Variants in EPG5 observed in about 807,000 individuals in gnomAD.
The protein encoded by EPG5 is ectopic P-granules 5 autophagy tethering factor.
A neutral mutation model predicts 302.7 loss-of-function variants in EPG5; 159 were observed. That is an observed-to-expected ratio of 0.53 (90% CI 0.46 to 0.60). The LOEUF (loss-of-function observed/expected upper bound fraction) is 0.60, where lower values mean the gene tolerates loss of function less well. Among genes scored for constraint, EPG5 ranks in the 20% least tolerant of loss-of-function variants. The probability of loss-of-function intolerance (pLI) is 0.00; values close to 1 mark genes in which losing one functional copy is unlikely to be tolerated. For missense variants in EPG5, 2,896 were observed against 3,092.4 expected (o/e 0.94, Z 1.51); for synonymous variants, 1,158 against 1,136.8 (o/e 1.02, Z -0.37).
Position 45,922,414 on chromosome 18 carries a change from G to A in EPG5, c.3025C>T (p.Leu1009Phe). 6.2e-7 allele frequency: 1 copy of A among 1,614,240 alleles called. No homozygotes were observed. The highest frequency in any genetic ancestry group is 1.1e-5 in the South Asian group (1 of 91,086). ...ATGCCCGCTTTCACAGCCTTCAAGA[G>A]AGGATGAAACGTGGGTGACTCTGTC... ...DMTESPTFHPLLKAVKAGMPI... is the reference protein window; with the variant it reads ...DMTESPTFHPFLKAVKAGMPI... Residue 1009 changes from leucine (L) to phenylalanine (F), a missense_variant, in exon 16 of 44, where the codon CTC becomes TTC. This residue lies in a region of EPG5 where 1,390 missense variants were observed against 1,430.0 expected (regional missense o/e 0.97). Coordinates refer to ENST00000282041, the MANE Select transcript of EPG5 (RefSeq NM_020964.3).
At chr18:45,801,958 G>A in the EPG5 span, among the ~76,000 whole-genome samples, 20 of 152,238 alleles carry the variant, frequency 1.3e-4, no homozygotes, top group African/African-American at 4.6e-4. Context: ...AGGGCTCTCT[G>A]GGTCCTGCCT....
the EPG5 span, among the ~76,000 whole-genome samples, chr18:45,823,810 G>A: frequency 3.3e-5 from 5 of 152,116 alleles, no homozygotes; most frequent in Admixed American, 1.3e-4. Flanking sequence ...CAGCACGTGC[G>A]AGGAAGGAGG....
intron 1 of EPG5, 112 bp downstream of exon 1, chr18:45,967,065 A>C: frequency 9.9e-7 from 1 of 1,011,608 alleles, no homozygotes; most frequent in South Asian, 1.7e-5. Flanking sequence ...GTGGAGGCGG[A>C]AGATGCAGAG....
chr18:45,949,731 C>T (rs543550584), intron 4 of EPG5, 140 bp from the exon 5 acceptor site: 101 of 528,022 alleles, frequency 1.9e-4, no homozygotes, highest in Admixed American at 1.5e-3. Context: ...ATACTATTCA[C>T]TGATGAGTTT....
At chr18:45,834,556 T>C in the EPG5 span, among the ~76,000 whole-genome samples, 1 of 152,210 alleles carries the variant, frequency 6.6e-6, no homozygotes, top group Non-Finnish European at 1.5e-5. Flanking sequence ...CCAGAAGCCA[T>C]ATTCAGACAG....
chr18:45,839,193 T>C, the EPG5 span: 3 of 1,320,532 alleles, frequency 2.3e-6, no homozygotes, highest in Non-Finnish European at 2.9e-6. Flanking sequence ...ACTGCCAGAA[T>C]GTCGGTTTTT....
At chr18:45,877,397 C>G (rs975782870) in intron 34 of EPG5, among the ~76,000 whole-genome samples, 1 of 152,072 alleles carries the variant, frequency 6.6e-6, no homozygotes, top group Non-Finnish European at 1.5e-5. Context: ...CCAGCCTGAG[C>G]AACAGAGTGA....
chr18:45,853,134 G>C (rs1478622177), intron 43 of EPG5, among the ~76,000 whole-genome samples: 1 of 152,212 alleles, frequency 6.6e-6, no homozygotes, highest in Non-Finnish European at 1.5e-5. Context: ...CTGCTGTTGG[G>C]TATGTTCCTA....
chr18:45,864,039 A>G (rs573672105), intron 39 of EPG5, among the ~76,000 whole-genome samples: 30 of 152,190 alleles, frequency 2.0e-4, no homozygotes, highest in African/African-American at 7.0e-4. Flanking sequence ...CTGGAATTCT[A>G]CTTGGATAAT....
chr18:45,859,318 C>T (rs192356523), intron 40 of EPG5, among the ~76,000 whole-genome samples: 298 of 152,268 alleles, frequency 2.0e-3, no homozygotes, highest in African/African-American at 6.8e-3. Flanking sequence ...TAATGGTTCT[C>T]CACTCTTTGG....
intron 5 of EPG5, 104 bp from the exon 6 acceptor site, chr18:45,948,680 A>T: frequency 2.4e-6 from 2 of 844,348 alleles, no homozygotes; most frequent in Non-Finnish European, 3.9e-6. Context: ...TAAGAGAACA[A>T]AGCTGAAACT....
chr18:45,957,546 G>A (rs2051058735), intron 1 of EPG5, among the ~76,000 whole-genome samples: 1 of 152,190 alleles, frequency 6.6e-6, no homozygotes, highest in Non-Finnish European at 1.5e-5. Flanking sequence ...AGGGAAAATG[G>A]TTACTACGGC....
intron 25 of EPG5, among the ~76,000 whole-genome samples, chr18:45,903,218 A>G: frequency 6.6e-6 from 1 of 152,142 alleles, no homozygotes; most frequent in East Asian, 1.9e-4. Flanking sequence ...TATATCATTT[A>G]ATATTTAAAA....
Position 45,922,377 on chromosome 18 carries a change from C to T in EPG5, c.3062G>A (p.Cys1021Tyr), listed in dbSNP as rs2050175508. 2 of 1,614,212 alleles carry T rather than the reference C, an allele frequency of 1.2e-6. No individual in the cohort carries two copies. Among genetic ancestry groups the T allele is most frequent in the East Asian group, 4.5e-5 (2 of 44,874 alleles). Residue 1021 changes from cysteine to tyrosine, a missense_variant, in exon 16 of 44, where the codon TGT (cysteine) becomes TAT (tyrosine). Around this residue, in one of 5 missense-constraint regions of EPG5, gnomAD observed 1,390 missense variants for 1,430.0 expected, o/e 0.97. Coordinates refer to ENST00000282041, the MANE Select transcript of EPG5 (RefSeq NM_020964.3). ...AGCTGTCATAGATAAGGCTAGATAA[C>T]AGCCAATGGGCATGCCCGCTTTCAC... ...KAVKAGMPIG[C>Y]YLALSMTAVG...
chr18:45,852,280 AAC>A lies in EPG5; in HGVS notation c.*185_*186del, dbSNP rs112643058. 51,923 of 429,770 alleles carry A rather than the reference AAC, an allele frequency of 0.12. 5 individuals carry two copies. The highest frequency in any genetic ancestry group is 0.16 in the East Asian group (4,025 of 24,816). The allele number at this position is 429,770 out of a possible 1,614,324, so 26.6% of individuals were successfully genotyped here. A position where few individuals can be genotyped will look rare whatever the true frequency, so the allele number is the denominator to read the frequency against. The stretch of plus-strand genomic sequence containing the variant: ...CCCAGAAGGTCTTAAGAGCTAAGAA[AAC>A]ACACACACACACACACACACACCCC... On this transcript the variant is annotated 3_prime_UTR_variant, in exon 44 of 44. Transcript: ENST00000282041.
chr18:45,913,023 G>C (rs2049943455), intron 21 of EPG5, among the ~76,000 whole-genome samples: 1 of 151,720 alleles, frequency 6.6e-6, no homozygotes, highest in African/African-American at 2.4e-5. Context: ...GGAAGGTGGA[G>C]GTTGCAGTGA....
intron 38 of EPG5, among the ~76,000 whole-genome samples, chr18:45,866,058 A>G (rs1185951497): frequency 6.6e-6 from 1 of 152,178 alleles, no homozygotes; most frequent in Non-Finnish European, 1.5e-5. Flanking sequence ...AACTTTTCCA[A>G]AAACTTTTAT....
Position 45,934,801 on chromosome 18 carries a change from G to T in EPG5, c.2257+8C>A, listed in dbSNP as rs779267206. The T allele has an allele frequency of 6.2e-7, 1 of 1,609,530 alleles. No individual in the cohort carries two copies. The highest frequency in any genetic ancestry group is 8.5e-7 in the Non-Finnish European group (1 of 1,178,448). ...GAGCTGGACGCCGACTGCTCGGCGGGGCTGTACCTTGGAGCTGCTGCTTGC... is the reference window on the plus strand; with the variant it reads ...GAGCTGGACGCCGACTGCTCGGCGGTGCTGTACCTTGGAGCTGCTGCTTGC... On this transcript the variant is annotated splice_region_variant and intron_variant, in intron 11 of 43. Transcript: ENST00000282041.
chr18:45,808,096 T>A, the EPG5 span, among the ~76,000 whole-genome samples: 1 of 152,126 alleles, frequency 6.6e-6, no homozygotes, highest in Non-Finnish European at 1.5e-5. Flanking sequence ...CTGGAAAGTC[T>A]CAGCAATAGA....
Sources: gnomAD v4.1 joint callset for allele counts (sites outside exome capture counted in the v4.1 genomes callset) on GRCh38, gnomAD v4.1.1 for gene constraint, gnomAD v4.1.1 regional missense constraint, MANE v1.5 for transcripts, NCBI Gene and HGNC (gene_info 2026-07-23, HGNC 2026-07-21) for gene names.